Variants in IARS1 observed in about 807,000 individuals in gnomAD.
The protein encoded by IARS1 is isoleucyl-tRNA synthetase 1, also known as isoleucine--tRNA ligase, cytoplasmic.
In IARS1, 124 loss-of-function variants were observed where a neutral mutation model predicts 168.2. That is an observed-to-expected ratio of 0.74 (90% CI 0.64 to 0.86). The LOEUF (loss-of-function observed/expected upper bound fraction) is 0.86. Among genes scored for constraint, IARS1 ranks in the 40% least tolerant of loss-of-function variants. The pLI is 0.00. For missense variants in IARS1, 1,452 were observed against 1,515.8 expected (o/e 0.96, Z 0.70); for synonymous variants, 532 against 529.4 (o/e 1.00, Z -0.07).
intron 9 of IARS1, among the ~76,000 whole-genome samples, chr9:92,277,622 C>T (rs1283168632): frequency 6.6e-6 from 1 of 151,202 alleles, no homozygotes; most frequent in African/African-American, 2.4e-5. Flanking sequence ...TTGCAGTGAG[C>T]TGTGATTGTG....
At chr9:92,222,340 CAAAAAAAAAAAAAAAA>C (rs60335070) in intron 33 of IARS1, among the ~76,000 whole-genome samples, 164 bp downstream of exon 33, 1 of 55,372 alleles carries the variant, frequency 1.8e-5, no homozygotes, top group Non-Finnish European at 3.2e-5. Flanking sequence ...GACTCAGTCT[CAAAAAAAAAAAAAAAA>C]AAAAAAAAAG....
chr9:92,278,390 T>G (rs1834056574), intron 7 of IARS1, 104 bp from the exon 8 acceptor site: 2 of 776,590 alleles, frequency 2.6e-6, no homozygotes, highest in Non-Finnish European at 4.6e-6. Flanking sequence ...TCCTGTACCA[T>G]GTGCCTCTAC....
chr9:92,237,659 G>T (rs760271791), intron 30 of IARS1, among the ~76,000 whole-genome samples: 1 of 152,008 alleles, frequency 6.6e-6, no homozygotes, highest in African/African-American at 2.4e-5. Context: ...TATAAATTTA[G>T]GATCACTGTT....
chr9:92,235,513 A>ATTTTT (rs558342421), intron 30 of IARS1, among the ~76,000 whole-genome samples: 8 of 114,192 alleles, frequency 7.0e-5, no homozygotes, highest in East Asian at 2.4e-4. Context: ...AATTACATTG[A>ATTTTT]TTTTTTTTTT....
intron 33 of IARS1, among the ~76,000 whole-genome samples, chr9:92,221,801 G>A (rs919237458): frequency 6.6e-6 from 1 of 152,134 alleles, no homozygotes; most frequent in Admixed American, 6.5e-5. Context: ...AAAAAATGCA[G>A]GTAAGCATGT....
chr9:92,230,117 C>CT (rs550620035), intron 30 of IARS1, among the ~76,000 whole-genome samples: 4,840 of 145,804 alleles, frequency 0.033, 115 homozygotes, highest in South Asian at 0.081. Flanking sequence ...CTTTTCTTTT[C>CT]TTTTTTTTTT....
chr9:92,243,415 C>T, intron 27 of IARS1, 104 bp from the exon 28 acceptor site: 2 of 700,454 alleles, frequency 2.9e-6, no homozygotes, highest in Non-Finnish European at 4.9e-6. Context: ...TAATGCAGCA[C>T]TATTTTTTCA....
chr9:92,272,777 G>C (rs1833238755), intron 10 of IARS1, among the ~76,000 whole-genome samples: 1 of 151,554 alleles, frequency 6.6e-6, no homozygotes, highest in African/African-American at 2.4e-5. Flanking sequence ...CTTGAACCTG[G>C]GAGGCAGAGG....
chr9:92,258,986 A>C lies in IARS1; in HGVS notation c.1884T>G (p.Ile628Met), dbSNP rs1467138545. ...YGADALRLYL[I>M]NSPVVRAENL... ...TTTCTGCTCTCACCACAGGGGAGTT[A>C]ATCAGATATAATCTGGAAGAGGGAG... Residue 628 changes from isoleucine (I) to methionine (M), a missense_variant, in exon 19 of 34, where the codon ATT becomes ATG. Ile to Met is a conservative substitution (Grantham distance 10, BLOSUM62 1). Transcript: ENST00000443024. 3.0e-5 allele frequency: 48 copies of C among 1,601,068 alleles called. No homozygotes were observed. The highest frequency in any genetic ancestry group is 4.0e-5 in the Non-Finnish European group (47 of 1,176,310).
intron 33 of IARS1, among the ~76,000 whole-genome samples, chr9:92,217,845 A>G (rs1297315920): frequency 2.0e-5 from 3 of 152,028 alleles, no homozygotes; most frequent in African/African-American, 7.2e-5. Context: ...TACCAGAGGT[A>G]CAAGGAGGAA....
In IARS1 at chr9:92,277,812, T is replaced by C. The variant is rs189655916; in HGVS notation, c.894+51A>G. 2.4e-4 allele frequency: 355 copies of C among 1,480,932 alleles called. No individual in the cohort carries two copies. The African/African-American group carries it at 4.3e-3, about 18-fold the overall frequency. 91.7% of individuals were successfully genotyped at this position (1,480,932 alleles called of 1,614,324 possible). A position where few individuals can be genotyped will look rare whatever the true frequency, so the allele number is the denominator to read the frequency against. The stretch of plus-strand genomic sequence containing the variant: ...TCCACTTCTCACAACACCCCAGCTA[T>C]CAAATAATCAGATTGTGGAGAGCGC... On this transcript the variant is annotated intron_variant, in intron 9 of 33. Coordinates refer to ENST00000443024, the MANE Select transcript of IARS1 (RefSeq NM_002161.6).
intron 10 of IARS1, 44 bp from the exon 11 acceptor site, chr9:92,271,699 A>G: frequency 6.2e-7 from 1 of 1,606,344 alleles, no homozygotes; most frequent in Non-Finnish European, 8.5e-7. Flanking sequence ...CAGTCTATGT[A>G]TGGGTGTGAG....
chr9:92,278,054 G>C, intron 8 of IARS1, 131 bp from the exon 9 acceptor site: 1 of 1,037,572 alleles, frequency 9.6e-7, no homozygotes, highest in African/African-American at 1.6e-5. Context: ...ATGTGTGACT[G>C]CAAAGTACTT....
chr9:92,280,893 C>T lies in IARS1; in HGVS notation c.598G>A (p.Asp200Asn), dbSNP rs771651885. 6.2e-7 allele frequency: 1 copy of T among 1,602,716 alleles called. No homozygotes were observed. Among genetic ancestry groups the T allele is most frequent in the Non-Finnish European group, 8.5e-7 (1 of 1,172,528 alleles). ...SNFESHQNYKDVQDPSVFVTF... is the reference protein window; with the variant it reads ...SNFESHQNYKNVQDPSVFVTF... ...ACAAATACTGAAGGATCTTGAACAT[C>T]CTGAAATAAATTGAGGTAAAGTATT... Residue 200 changes from aspartate to asparagine, a missense_variant and splice_region_variant, in exon 7 of 34, where the codon GAT becomes AAT. Coordinates refer to ENST00000443024, the MANE Select transcript of IARS1 (RefSeq NM_002161.6).
At chr9:92,213,628 C>G (rs1479074008) in intron 33 of IARS1, among the ~76,000 whole-genome samples, 1 of 152,168 alleles carries the variant, frequency 6.6e-6, no homozygotes, top group African/African-American at 2.4e-5. Flanking sequence ...TTCTGACACC[C>G]TAATTTCAGT....
At chr9:92,258,459 G>C (rs954350593) in intron 19 of IARS1, among the ~76,000 whole-genome samples, 3 of 152,200 alleles carry the variant, frequency 2.0e-5, no homozygotes, top group African/African-American at 4.8e-5. Flanking sequence ...AGCCAGGCAT[G>C]GTGGTGGGTG....
At chr9:92,226,668 T>C (rs1208720610) in intron 31 of IARS1, among the ~76,000 whole-genome samples, 1 of 152,170 alleles carries the variant, frequency 6.6e-6, no homozygotes, top group Non-Finnish European at 1.5e-5. Flanking sequence ...CGAATTCTTT[T>C]TTGCCTCTTC....
chr9:92,262,101 G>C lies in IARS1; in HGVS notation c.1787+868C>G, dbSNP rs149970044. ...AAAAAAAAGTAGTACACATACTACA[G>C]AGGCAGACTGCCTGGGTTCAAAATT... On this transcript the variant is annotated intron_variant, in intron 17 of 33. Transcript: ENST00000443024. Among the ~76,000 whole-genome samples the C allele has an allele frequency of 5.7e-3, 865 of 151,022 alleles. 12 individuals carry two copies. The highest frequency in any genetic ancestry group is 0.02 in the African/African-American group (828 of 41,010).
intron 33 of IARS1, among the ~76,000 whole-genome samples, chr9:92,220,802 C>CA (rs1839555858): frequency 6.6e-6 from 1 of 151,714 alleles, no homozygotes; most frequent in African/African-American, 2.4e-5. Context: ...CCTGTCCCTA[C>CA]AAAAAAATTT....
Sources: gnomAD v4.1 joint callset for allele counts (sites outside exome capture counted in the v4.1 genomes callset) on GRCh38, gnomAD v4.1.1 for gene constraint, MANE v1.5 for transcripts, NCBI Gene and HGNC (gene_info 2026-07-23, HGNC 2026-07-21) for gene names.